Variants in TGFBR1 observed in about 807,000 individuals in gnomAD.
TGFBR1 encodes the protein transforming growth factor beta receptor 1, also known as TGF-beta receptor type-1.
TGFBR1 carries 20 observed loss-of-function variants against 55.1 expected under a neutral mutation model. The ratio of observed to expected loss-of-function variants is 0.36; its 90% CI spans 0.26 to 0.53. TGFBR1 has a LOEUF of 0.53. TGFBR1 is among the 20% of genes least tolerant of loss of function. The pLI, the probability that TGFBR1 is intolerant of heterozygous loss-of-function variation, is 0.91. For synonymous variants in TGFBR1, 220 were observed against 214.8 expected (o/e 1.02, Z -0.21); for missense variants, 385 against 617.6 (o/e 0.62, Z 3.99).
chr9:99,148,754 C>T (rs1827881901), intron 8 of TGFBR1, among the ~76,000 whole-genome samples: 1 of 151,854 alleles, frequency 6.6e-6, no homozygotes, highest in Non-Finnish European at 1.5e-5. Context: ...ATTGCTGGAG[C>T]CTGGGAGGTC....
intron 1 of TGFBR1, among the ~76,000 whole-genome samples, chr9:99,111,315 T>TC: frequency 6.8e-6 from 1 of 146,174 alleles, no homozygotes; most frequent in Non-Finnish European, 1.5e-5. Context: ...TTTTTTTTTT[T>TC]TTTTTTTTTT....
intron 1 of TGFBR1, among the ~76,000 whole-genome samples, chr9:99,116,348 A>G (rs999620002): frequency 2.0e-5 from 3 of 152,168 alleles, no homozygotes; most frequent in Non-Finnish European, 4.4e-5. Flanking sequence ...GCGAGGACCA[A>G]CAGGCTCAGA....
At position 99,153,113 on chromosome 9, in the gene TGFBR1, ATTTC is replaced by A. The variant is rs903828972; in HGVS notation, c.*3811_*3814del. ...GTGCCAACGGAATAGGGTGTTTGAT[ATTTC>A]TTCATATGTTAAGGAGATGCTTCAA... On this transcript the variant is annotated 3_prime_UTR_variant, in exon 9 of 9. Transcript: ENST00000374994. The A allele has an allele frequency of 8.8e-6, 2 of 226,884 alleles. No individual in the cohort carries two copies. The highest frequency in any genetic ancestry group is 8.8e-6 in the Non-Finnish European group (1 of 113,854). The allele number at this position is 226,884 out of a possible 1,614,324, so 14.1% of individuals were successfully genotyped here.
chr9:99,132,668 G>T lies in TGFBR1; in HGVS notation c.503G>T (p.Arg168Leu), dbSNP rs777965779. The T allele has an allele frequency of 6.2e-7, 1 of 1,614,060 alleles. No individual in the cohort carries two copies. Among genetic ancestry groups the T allele is most frequent in the Middle Eastern group, 1.6e-4 (1 of 6,062 alleles). The change falls in exon 3 of 9, where the codon CGC (arginine) becomes CTC (leucine). Residue 168 changes from arginine to leucine, a missense_variant. Arg to Leu is a moderately radical substitution (Grantham distance 102). Transcript: ENST00000374994. ...AATGAAGAGGACCCTTCATTAGATC[G>T]CCCTTTTATTTCAGAGGGTACTACG... ...VPNEEDPSLD[R>L]PFISEGTTLK... is the part of the protein sequence containing the mutation.
intron 1 of TGFBR1, among the ~76,000 whole-genome samples, chr9:99,108,711 G>C (rs1248840973): frequency 6.6e-6 from 1 of 152,162 alleles, no homozygotes; most frequent in Non-Finnish European, 1.5e-5. Context: ...TGACTGACTG[G>C]CAAGTTACTC....
Position 99,150,054 on chromosome 9 carries a change from A to T in TGFBR1, c.*749A>T. On this transcript the variant is annotated 3_prime_UTR_variant, in exon 9 of 9. Transcript: ENST00000374994. Reference sequence around the variant, plus strand: ...TTCAAAAAGCTTATTTATCTGGGTAACCCAAACTTTTTCTGTTTTGTTTTT... The same window carrying T: ...TTCAAAAAGCTTATTTATCTGGGTATCCCAAACTTTTTCTGTTTTGTTTTT... 5.3e-6 allele frequency: 1 copy of T among 188,186 alleles called. No individual in the cohort carries two copies. Among genetic ancestry groups the T allele is most frequent in the Non-Finnish European group, 1.1e-5 (1 of 89,310 alleles). 11.7% of individuals were successfully genotyped at this position (188,186 alleles called of 1,614,324 possible).
chr9:99,107,203 G>T (rs1305841282), intron 1 of TGFBR1, among the ~76,000 whole-genome samples: 1 of 152,212 alleles, frequency 6.6e-6, no homozygotes, highest in Non-Finnish European at 1.5e-5. Flanking sequence ...GCCTCAGCTT[G>T]TCTGCCTCCC....
At chr9:99,110,333 G>A (rs1588559631) in intron 1 of TGFBR1, among the ~76,000 whole-genome samples, 1 of 152,056 alleles carries the variant, frequency 6.6e-6, no homozygotes, top group Non-Finnish European at 1.5e-5. Context: ...GTCTTGTCTC[G>A]TTTAATTCTC....
At chr9:99,136,021 A>G (rs958993423) in intron 3 of TGFBR1, among the ~76,000 whole-genome samples, 1 of 151,890 alleles carries the variant, frequency 6.6e-6, no homozygotes, top group African/African-American at 2.4e-5. Flanking sequence ...TGCCCAGCTA[A>G]TTTTTGTATA....
upstream of TGFBR1, chr9:99,105,082 C>T: frequency 1.4e-6 from 1 of 707,042 alleles, no homozygotes; most frequent in Non-Finnish European, 1.8e-6. Flanking sequence ...GTCCTCCGAG[C>T]AGTTACAAAG....
chr9:99,105,641 G>A (rs905702870), intron 1 of TGFBR1, among the ~76,000 whole-genome samples: 2 of 152,064 alleles, frequency 1.3e-5, no homozygotes, highest in Non-Finnish European at 2.9e-5. Flanking sequence ...AGGGCCAGGG[G>A]CGGAGAGTGC....
intron 8 of TGFBR1, among the ~76,000 whole-genome samples, chr9:99,148,393 CG>C (rs1450637907): frequency 6.6e-6 from 1 of 152,044 alleles, no homozygotes; most frequent in Non-Finnish European, 1.5e-5. Context: ...TTTAAAGATT[CG>C]TAAGATGAAT....
chr9:99,107,421 A>G (rs1487105105), intron 1 of TGFBR1, among the ~76,000 whole-genome samples: 2 of 152,176 alleles, frequency 1.3e-5, no homozygotes, highest in East Asian at 1.9e-4. Flanking sequence ...TGCACAGTTT[A>G]GTACCACTAT....
At chr9:99,128,424 C>T (rs1272822397) in intron 1 of TGFBR1, among the ~76,000 whole-genome samples, 1 of 144,740 alleles carries the variant, frequency 6.9e-6, no homozygotes, top group Non-Finnish European at 1.5e-5. Context: ...GTAGTGTTTT[C>T]ACACATTGCT....
Position 99,105,165 on chromosome 9 carries a change from C to CGGACG in TGFBR1, c.-39_-38insACGGG. On this transcript the variant is annotated 5_prime_UTR_variant, in exon 1 of 9. Transcript: ENST00000374994. Reference sequence around the variant, plus strand: ...GGTTTGCTGGGGTGAGGCAGCGGCGCGGCCGGGCCGGGCCGGGCCACAGGC... The same window carrying CGGACG: ...GGTTTGCTGGGGTGAGGCAGCGGCGCGGACGGGCCGGGCCGGGCCGGGCCACAGGC... 9.2e-7 allele frequency: 1 copy of CGGACG among 1,084,660 alleles called. No homozygotes were observed. The highest frequency in any genetic ancestry group is 1.1e-6 in the Non-Finnish European group (1 of 893,806). 67.2% of individuals were successfully genotyped at this position (1,084,660 alleles called of 1,614,324 possible). A position where few individuals can be genotyped will look rare whatever the true frequency, so the allele number is the denominator to read the frequency against.
At chr9:99,123,501 G>T (rs1304867086) in intron 1 of TGFBR1, among the ~76,000 whole-genome samples, 1 of 152,040 alleles carries the variant, frequency 6.6e-6, no homozygotes, top group Non-Finnish European at 1.5e-5. Flanking sequence ...AAAGTTCAGG[G>T]TTACTTAGCA....
chr9:99,106,016 T>C (rs1281410256), intron 1 of TGFBR1, among the ~76,000 whole-genome samples: 1 of 152,246 alleles, frequency 6.6e-6, no homozygotes, highest in Non-Finnish European at 1.5e-5. Context: ...CTTTCGTGCG[T>C]CTGGGGAGTG....
rs551655196 is a variant in TGFBR1 at position 99,125,381 on chromosome 9, A to G, written c.98-3474A>G. Among the ~76,000 whole-genome samples, 3 of 152,376 alleles carry G rather than the reference A, an allele frequency of 2.0e-5. No individual in the cohort carries two copies. The East Asian group carries it at 5.8e-4, about 29-fold the overall frequency. ...TGAAATCTTCATTAAATGATTTTCT[A>G]AACCAGTTATTGCTGGAAATGAGAA... On this transcript the variant is annotated intron_variant, in intron 1 of 8. Transcript: ENST00000374994.
At chr9:99,114,269 A>G (rs1432091765) in intron 1 of TGFBR1, among the ~76,000 whole-genome samples, 4 of 152,222 alleles carry the variant, frequency 2.6e-5, no homozygotes, top group Admixed American at 2.6e-4. Flanking sequence ...AAAGAGAACA[A>G]TTATCCGTAA....
Sources: allele counts gnomAD v4.1 joint callset (sites outside exome capture counted in the v4.1 genomes callset), GRCh38; gene constraint gnomAD v4.1.1; transcripts MANE v1.5; gene names NCBI Gene and HGNC (gene_info 2026-07-23, HGNC 2026-07-21).